PTPRT: variants seen among roughly 807,000 people sequenced by gnomAD.
PTPRT encodes receptor-type tyrosine-protein phosphatase T.
In PTPRT, 56 loss-of-function variants were observed where a neutral mutation model predicts 176.8. That is an observed-to-expected ratio of 0.32 (90% CI 0.26 to 0.40). PTPRT has a LOEUF of 0.40. PTPRT is among the 10% of genes least tolerant of loss of function. The probability of loss-of-function intolerance (pLI) is 1.00; values close to 1 mark genes in which losing one functional copy is unlikely to be tolerated. For missense variants in PTPRT, 1,540 were observed against 1,908.2 expected (o/e 0.81, Z 3.60); for synonymous variants, 783 against 739.0 (o/e 1.06, Z -0.96).
At chr20:42,199,576 G>A (rs1450438392) in intron 15 of PTPRT, among the ~76,000 whole-genome samples, 188 bp from the exon 16 acceptor site, 1 of 152,140 alleles carries the variant, frequency 6.6e-6, no homozygotes, top group Non-Finnish European at 1.5e-5. Flanking sequence ...GACTCACGCT[G>A]CTGCCTCACC....
chr20:42,485,088 C>A (rs1219190905), intron 7 of PTPRT, among the ~76,000 whole-genome samples: 1 of 152,112 alleles, frequency 6.6e-6, no homozygotes, highest in Non-Finnish European at 1.5e-5. Flanking sequence ...AAGACTGCAG[C>A]CTGAAGACAG....
At chr20:42,979,340 T>C (rs1983142186) in intron 1 of PTPRT, among the ~76,000 whole-genome samples, 1 of 151,900 alleles carries the variant, frequency 6.6e-6, no homozygotes, top group African/African-American at 2.4e-5. Flanking sequence ...GTTCTTTACC[T>C]TTTTTGTAAT....
intron 1 of PTPRT, among the ~76,000 whole-genome samples, chr20:42,984,586 A>G (rs4812665): frequency 0.27 from 40,931 of 152,164 alleles, 5,723 homozygotes; most frequent in African/African-American, 0.34. Flanking sequence ...TCACTCCACC[A>G]TCATGCAGCA....
At chr20:42,928,704 A>G (rs1435892594) in intron 1 of PTPRT, among the ~76,000 whole-genome samples, 1 of 152,144 alleles carries the variant, frequency 6.6e-6, no homozygotes, top group Non-Finnish European at 1.5e-5. Flanking sequence ...TGCTGTGACA[A>G]TAACTCCTAT....
At chr20:43,040,042 A>G (rs1055015796) in intron 1 of PTPRT, among the ~76,000 whole-genome samples, 1 of 151,852 alleles carries the variant, frequency 6.6e-6, no homozygotes, top group Non-Finnish European at 1.5e-5. Flanking sequence ...CCTGGTCTCA[A>G]AAAAAAAGGA....
intron 1 of PTPRT, among the ~76,000 whole-genome samples, chr20:43,110,964 G>A (rs375551721): frequency 1.3e-5 from 2 of 152,266 alleles, no homozygotes; most frequent in Admixed American, 6.5e-5. Flanking sequence ...AATGTGGGTG[G>A]GGGGAGAGAA....
At chr20:43,054,634 T>C (rs993337115) in intron 1 of PTPRT, among the ~76,000 whole-genome samples, 3 of 152,114 alleles carry the variant, frequency 2.0e-5, no homozygotes, top group African/African-American at 7.2e-5. Flanking sequence ...TTTTAGGCTT[T>C]TTCCTTCATT....
the PTPRT span, among the ~76,000 whole-genome samples, chr20:42,051,165 C>T: frequency 6.6e-6 from 1 of 152,224 alleles, no homozygotes; most frequent in Non-Finnish European, 1.5e-5. Context: ...TTTTCACTCA[C>T]TTTGGCCAGA....
intron 1 of PTPRT, among the ~76,000 whole-genome samples, chr20:42,907,461 T>C (rs2079492765): frequency 6.8e-6 from 1 of 147,892 alleles, no homozygotes; most frequent in African/African-American, 2.7e-5. Flanking sequence ...CCACAAACAT[T>C]GAAGTTTTTT....
intron 1 of PTPRT, among the ~76,000 whole-genome samples, chr20:42,989,037 G>T (rs895637756): frequency 6.6e-6 from 1 of 152,218 alleles, no homozygotes. Flanking sequence ...ATGACAGAGA[G>T]TAAGCACTCA....
intron 1 of PTPRT, among the ~76,000 whole-genome samples, chr20:43,045,925 G>A (rs536579920): frequency 2.0e-5 from 3 of 152,318 alleles, no homozygotes; most frequent in East Asian, 3.9e-4. Context: ...TGTCTACTGA[G>A]CCAAAACTTG....
chr20:43,066,383 T>G (rs917577365), intron 1 of PTPRT, among the ~76,000 whole-genome samples: 5 of 152,178 alleles, frequency 3.3e-5, no homozygotes, highest in African/African-American at 1.2e-4. Flanking sequence ...ACAATGAACT[T>G]CTTTCCTTCC....
chr20:42,339,222 C>T (rs548104472), intron 11 of PTPRT, among the ~76,000 whole-genome samples: 2 of 152,292 alleles, frequency 1.3e-5, no homozygotes, highest in South Asian at 2.1e-4. Flanking sequence ...CCCCAACATC[C>T]GCATAGAAGT....
intron 1 of PTPRT, among the ~76,000 whole-genome samples, chr20:43,036,066 C>T (rs530077911): frequency 1.1e-3 from 165 of 152,248 alleles, no homozygotes; most frequent in Non-Finnish European, 2.1e-3. Flanking sequence ...AGGACAAAGG[C>T]AAATGCAGCT....
chr20:42,804,486 T>C (rs208179), intron 2 of PTPRT, among the ~76,000 whole-genome samples: 21,490 of 152,078 alleles, frequency 0.14, 1,776 homozygotes, highest in East Asian at 0.39. Flanking sequence ...TAGACCCAGA[T>C]GGAAAGAGAA....
chr20:42,116,735 A>G (rs1163010955), intron 21 of PTPRT, among the ~76,000 whole-genome samples: 1 of 152,176 alleles, frequency 6.6e-6, no homozygotes, highest in Non-Finnish European at 1.5e-5. Flanking sequence ...AATAACTAGG[A>G]ACATGGGCTC....
chr20:43,037,845 A>C (rs1025401003), intron 1 of PTPRT, among the ~76,000 whole-genome samples: 1 of 152,170 alleles, frequency 6.6e-6, no homozygotes, highest in Non-Finnish European at 1.5e-5. Context: ...CCCTTGTGCA[A>C]CTGAGCTAGA....
intron 13 of PTPRT, among the ~76,000 whole-genome samples, chr20:42,263,952 C>T (rs1350969133): frequency 6.6e-6 from 1 of 152,046 alleles, no homozygotes. Context: ...GAGTCCCAGA[C>T]ATGAGTTGTA....
chr20:43,054,623 C>A (rs113203891), intron 1 of PTPRT, among the ~76,000 whole-genome samples: 214 of 150,256 alleles, frequency 1.4e-3, no homozygotes, highest in Non-Finnish European at 1.9e-3. Flanking sequence ...CAAATCTGAG[C>A]TTTTAGGCTT....
Sources: allele counts gnomAD v4.1 joint callset (sites outside exome capture counted in the v4.1 genomes callset), GRCh38; gene constraint gnomAD v4.1.1; transcripts MANE v1.5; gene names NCBI Gene and HGNC (gene_info 2026-07-23, HGNC 2026-07-21).